The following SRGAP2C variants were observed in gnomAD, a reference collection of about 807,000 sequenced individuals.
The protein encoded by SRGAP2C is SLIT-ROBO Rho GTPase-activating protein 2C.
A neutral mutation model predicts 25.1 loss-of-function variants in SRGAP2C; 15 were observed. That is an observed-to-expected ratio of 0.60 (90% CI 0.40 to 0.92). The LOEUF is 0.92. Ranked by LOEUF, SRGAP2C falls within the 40% of genes least tolerant of loss-of-function variation. The pLI is 0.00. For synonymous variants in SRGAP2C, 44 were observed against 96.6 expected (o/e 0.46, Z 3.19); for missense variants, 144 against 264.4 (o/e 0.54, Z 3.16).
rs1473357771 is a variant in SRGAP2C at position 121,392,089 on chromosome 1, CACAG to C, written c.*4236_*4239del. 6.6e-6 allele frequency: 1 copy of C among 152,008 alleles called. No individual in the cohort carries two copies. The highest frequency in any genetic ancestry group is 1.5e-5 in the Non-Finnish European group (1 of 67,988). The allele number at this position is 152,008 out of a possible 1,614,324, so 9.4% of individuals were successfully genotyped here. A position where few individuals can be genotyped will look rare whatever the true frequency, so the allele number is the denominator to read the frequency against. On this transcript the variant is annotated 3_prime_UTR_variant, in exon 10 of 10. Coordinates refer to ENST00000367123, the MANE Select transcript of SRGAP2C (RefSeq NM_001329984.2). ...AGGGATTTAAGAGTATATTTGCACACACAGAGGAAGCCATGAACTTGAAGAGAAG... is the reference window on the plus strand; with the variant it reads ...AGGGATTTAAGAGTATATTTGCACACAGGAAGCCATGAACTTGAAGAGAAG...
intron 2 of SRGAP2C, among the ~76,000 whole-genome samples, chr1:121,278,152 G>T (rs1431423592): frequency 6.6e-6 from 1 of 151,814 alleles, no homozygotes; most frequent in Non-Finnish European, 1.5e-5. Context: ...TTGCCATGTT[G>T]CCCAGGCTCG....
intron 2 of SRGAP2C, among the ~76,000 whole-genome samples, chr1:121,190,217 T>A (rs1654633188): frequency 6.6e-6 from 1 of 151,360 alleles, no homozygotes; most frequent in Non-Finnish European, 1.5e-5. Flanking sequence ...GTGTGTTATA[T>A]GGGACTCATG....
chr1:121,389,180 C>CA lies in SRGAP2C; in HGVS notation c.*1332dup, dbSNP rs1160486392. ...TATGAGTAAAATATTAAAACCTATA[C>CA]AAAAAAATAACAGAATGGCATTTTA... On this transcript the variant is annotated 3_prime_UTR_variant, in exon 10 of 10. Coordinates refer to ENST00000367123, the MANE Select transcript of SRGAP2C (RefSeq NM_001329984.2). The CA allele has an allele frequency of 2.0e-5, 3 of 151,924 alleles. No individual in the cohort carries two copies. Among genetic ancestry groups the CA allele is most frequent in the Non-Finnish European group, 4.4e-5 (3 of 67,980 alleles). The allele number at this position is 151,924 out of a possible 1,614,324, so 9.4% of individuals were successfully genotyped here.
intron 2 of SRGAP2C, among the ~76,000 whole-genome samples, chr1:121,209,897 TAA>T (rs1285154668): frequency 2.1e-4 from 26 of 124,640 alleles, no homozygotes; most frequent in Non-Finnish European, 3.4e-4. Context: ...AACAAATATA[TAA>T]AACTTATTAT....
chr1:121,305,740 A>G (rs1346717518), intron 3 of SRGAP2C, among the ~76,000 whole-genome samples: 1 of 111,720 alleles, frequency 9.0e-6, no homozygotes, highest in Non-Finnish European at 1.8e-5. Context: ...AAAACAAATT[A>G]CTGAAAAGCA....
At chr1:121,218,460 C>G (rs1655448727) in intron 2 of SRGAP2C, among the ~76,000 whole-genome samples, 1 of 103,004 alleles carries the variant, frequency 9.7e-6, no homozygotes, top group Admixed American at 1.0e-4. Context: ...ATCCTACAGT[C>G]TCAGCCTCCT....
intron 2 of SRGAP2C, among the ~76,000 whole-genome samples, chr1:121,206,137 C>T (rs587757783): frequency 7.9e-5 from 12 of 151,274 alleles, no homozygotes; most frequent in African/African-American, 1.9e-4. Flanking sequence ...CCGTGCTTAC[C>T]GCTCCTGCAT....
intron 2 of SRGAP2C, among the ~76,000 whole-genome samples, chr1:121,191,276 C>T (rs587768600): frequency 3.5e-4 from 54 of 152,230 alleles, no homozygotes; most frequent in African/African-American, 1.0e-3. Flanking sequence ...GTGGTATTTA[C>T]GTATAACCTA....
rs1302148160 is a variant in SRGAP2C, at chr1:121,389,042, CACAA to C, written c.*1191_*1194del. On this transcript the variant is annotated 3_prime_UTR_variant, in exon 10 of 10. Coordinates refer to ENST00000367123, the MANE Select transcript of SRGAP2C (RefSeq NM_001329984.2). ...CTTTCTAATCTGTTTTCTATGCATG[CACAA>C]ACACATATGTGAGCACATATTTATA... 4.0e-5 allele frequency: 6 copies of C among 150,942 alleles called. No homozygotes were observed. The highest frequency in any genetic ancestry group is 1.2e-4 in the African/African-American group (5 of 41,150). 9.4% of individuals were successfully genotyped at this position (150,942 alleles called of 1,614,324 possible). A position where few individuals can be genotyped will look rare whatever the true frequency, so the allele number is the denominator to read the frequency against.
chr1:121,370,938 C>A (rs1659470961), intron 5 of SRGAP2C, among the ~76,000 whole-genome samples: 1 of 151,200 alleles, frequency 6.6e-6, no homozygotes, highest in Non-Finnish European at 1.5e-5. Context: ...TTTTGTTTTT[C>A]TCAATTTATA....
intron 3 of SRGAP2C, among the ~76,000 whole-genome samples, chr1:121,287,153 AC>A (rs1228702693): frequency 1.1e-5 from 1 of 93,350 alleles, no homozygotes; most frequent in Non-Finnish European, 2.2e-5. Flanking sequence ...GTAGATGCTC[AC>A]TAAATATTGT....
At position 121,372,882 on chromosome 1, in the gene SRGAP2C, C is replaced by T. The variant is rs1260818496; in HGVS notation, c.487-1089C>T. Reference sequence around the variant, plus strand: ...CTCCTGTGTTACACACACACATGCACACACACACACACACACACACACATG... The same window carrying T: ...CTCCTGTGTTACACACACACATGCATACACACACACACACACACACACATG... On this transcript the variant is annotated intron_variant, in intron 5 of 9. Coordinates refer to ENST00000367123, the MANE Select transcript of SRGAP2C (RefSeq NM_001329984.2). 3.3e-5 allele frequency among the ~76,000 whole-genome samples: 2 copies of T among 60,020 alleles called. 1 individual carries two copies. The highest frequency in any genetic ancestry group is 7.1e-4 in the South Asian group (2 of 2,834). The allele number at this position is 60,020 out of a possible 152,430, so 39.4% of individuals were successfully genotyped here.
At chr1:121,325,320 CA>C (rs1658297323) in intron 4 of SRGAP2C, among the ~76,000 whole-genome samples, 1 of 150,532 alleles carries the variant, frequency 6.6e-6, no homozygotes, top group African/African-American at 2.5e-5. Flanking sequence ...AACAATTTGA[CA>C]AAGGAAAACT....
chr1:121,272,521 C>A (rs1473370098), intron 2 of SRGAP2C, among the ~76,000 whole-genome samples: 8 of 151,850 alleles, frequency 5.3e-5, no homozygotes, highest in Non-Finnish European at 7.4e-5. Flanking sequence ...TCTTTCCCAA[C>A]ACATACACCT....
At chr1:121,267,938 A>C (rs186434171) in intron 2 of SRGAP2C, among the ~76,000 whole-genome samples, 1 of 151,954 alleles carries the variant, frequency 6.6e-6, no homozygotes, top group African/African-American at 2.4e-5. Context: ...CTGTAAAGTA[A>C]AAAGAAGCCA....
intron 7 of SRGAP2C, among the ~76,000 whole-genome samples, chr1:121,375,595 T>TTG (rs1558135079): frequency 6.7e-6 from 1 of 149,738 alleles, no homozygotes; most frequent in African/African-American, 2.5e-5. Context: ...TGCCTCGACT[T>TTG]CCCAAAGTGC....
chr1:121,194,527 A>G, intron 2 of SRGAP2C, among the ~76,000 whole-genome samples: 1 of 145,570 alleles, frequency 6.9e-6, no homozygotes, highest in Non-Finnish European at 1.5e-5. Context: ...ACTAAAAATA[A>G]AAAAATTAGC....
chr1:121,322,641 A>T (rs1311355192), intron 3 of SRGAP2C, among the ~76,000 whole-genome samples: 2 of 144,552 alleles, frequency 1.4e-5, no homozygotes, highest in Non-Finnish European at 3.0e-5. Context: ...GGTTTAGAAC[A>T]GTTTCAATTT....
At chr1:121,226,806 AAT>A (rs1655684123) in intron 2 of SRGAP2C, among the ~76,000 whole-genome samples, 1 of 139,508 alleles carries the variant, frequency 7.2e-6, no homozygotes, top group Non-Finnish European at 1.6e-5. Context: ...CTTTGCTACT[AAT>A]TTTTTTGTGT....
Sources: allele counts gnomAD v4.1 joint callset (sites outside exome capture counted in the v4.1 genomes callset), GRCh38; gene constraint gnomAD v4.1.1; transcripts MANE v1.5; gene names NCBI Gene and HGNC (gene_info 2026-07-23, HGNC 2026-07-21).